CEP112: variants seen among roughly 807,000 people sequenced by gnomAD.
CEP112 encodes centrosomal protein of 112 kDa.
CEP112 carries 127 observed loss-of-function variants against 153.0 expected under a neutral mutation model. The observed-to-expected ratio is 0.83, with a 90% CI of 0.72 to 0.96. The LOEUF is 0.96. CEP112 is among the 40% of genes least tolerant of loss of function. The pLI, the probability that CEP112 is intolerant of heterozygous loss-of-function variation, is 0.00. For synonymous variants in CEP112, 358 were observed against 374.4 expected, an observed-to-expected ratio of 0.96 and a Z score of 0.51; for missense variants, 1,089 against 1,101.2, an observed-to-expected ratio of 0.99 and a Z score of 0.16.
intron 11 of CEP112, among the ~76,000 whole-genome samples, chr17:66,061,319 T>C (rs923575888): frequency 2.0e-5 from 3 of 152,114 alleles, no homozygotes; most frequent in African/African-American, 7.2e-5. Context: ...AGAACCCTTA[T>C]ATACTGCTAG....
At chr17:65,878,394 T>G (rs1354658057) in intron 20 of CEP112, among the ~76,000 whole-genome samples, 1 of 152,114 alleles carries the variant, frequency 6.6e-6, no homozygotes, top group Non-Finnish European at 1.5e-5. Flanking sequence ...ATATACACAT[T>G]TTTTAAAAGT....
intron 20 of CEP112, among the ~76,000 whole-genome samples, chr17:65,852,427 TTCCC>T (rs1464957029): frequency 0.36 from 9,562 of 26,920 alleles, 1,974 homozygotes; most frequent in Middle Eastern, 0.62. Flanking sequence ...CCTTCCTTCC[TTCCC>T]TCCCTTTCCT....
chr17:65,831,219 A>G (rs1282481788), intron 21 of CEP112, among the ~76,000 whole-genome samples: 1 of 152,244 alleles, frequency 6.6e-6, no homozygotes, highest in Admixed American at 6.5e-5. Context: ...AAGAGCTGAC[A>G]AACTGTGAAA....
chr17:66,038,119 A>AGAAAG (rs2065817903), intron 12 of CEP112, among the ~76,000 whole-genome samples: 1 of 150,908 alleles, frequency 6.6e-6, no homozygotes, highest in African/African-American at 2.4e-5. Context: ...AAAAAAGAAA[A>AGAAAG]GAAAAGAAAA....
chr17:65,765,979 C>A (rs1263242903), intron 21 of CEP112, among the ~76,000 whole-genome samples: 3 of 151,576 alleles, frequency 2.0e-5, no homozygotes, highest in Non-Finnish European at 2.9e-5. Flanking sequence ...CACCAAAGAA[C>A]ACAATAATTC....
At chr17:65,869,266 C>G (rs990896265) in intron 20 of CEP112, among the ~76,000 whole-genome samples, 2 of 152,286 alleles carry the variant, frequency 1.3e-5, no homozygotes, top group South Asian at 4.2e-4. Context: ...GTTCTGAGAG[C>G]CAATAAGGCA....
intron 20 of CEP112, among the ~76,000 whole-genome samples, chr17:65,891,936 T>C (rs1259376551): frequency 3.9e-5 from 6 of 152,208 alleles, no homozygotes; most frequent in African/African-American, 1.4e-4. Context: ...GCTAACACAA[T>C]TGTCACTGTA....
chr17:66,120,552 A>G (rs1220963023), intron 6 of CEP112, among the ~76,000 whole-genome samples: 1 of 152,142 alleles, frequency 6.6e-6, no homozygotes, highest in East Asian at 1.9e-4. Flanking sequence ...CTATAGGACT[A>G]TGCAGGTTAT....
At chr17:66,022,972 T>C (rs143350290) in intron 16 of CEP112, among the ~76,000 whole-genome samples, 29 of 151,964 alleles carry the variant, frequency 1.9e-4, no homozygotes, top group Non-Finnish European at 3.8e-4. Context: ...TTCTCAGAAA[T>C]TGAAGACAAG....
chr17:65,965,766 C>T (rs957388806), intron 17 of CEP112, among the ~76,000 whole-genome samples: 2 of 152,084 alleles, frequency 1.3e-5, no homozygotes, highest in Admixed American at 1.3e-4. Context: ...AAGCGATCCA[C>T]CCCGGTCTCC....
chr17:66,183,622 A>G (rs1752438720), intron 1 of CEP112, among the ~76,000 whole-genome samples: 1 of 152,206 alleles, frequency 6.6e-6, no homozygotes, highest in Non-Finnish European at 1.5e-5. Context: ...GGTATTGGTG[A>G]AAGGATAGAC....
chr17:65,813,765 CTTATTGT>C (rs2056115424), intron 21 of CEP112, among the ~76,000 whole-genome samples: 1 of 152,078 alleles, frequency 6.6e-6, no homozygotes, highest in Non-Finnish European at 1.5e-5. Flanking sequence ...CTGTATATTG[CTTATTGT>C]TTAATTTACA....
chr17:66,067,174 C>A, intron 9 of CEP112, among the ~76,000 whole-genome samples: 1 of 152,124 alleles, frequency 6.6e-6, no homozygotes, highest in Non-Finnish European at 1.5e-5. Context: ...TTTGCTCTTG[C>A]AGCAGCTAGG....
chr17:66,073,579 G>C (rs1299925953), intron 8 of CEP112, among the ~76,000 whole-genome samples: 1 of 152,214 alleles, frequency 6.6e-6, no homozygotes. Context: ...GCCAGGTGGA[G>C]ACAGCTTCCT....
chr17:65,798,032 TG>T (rs1424716976), intron 21 of CEP112, among the ~76,000 whole-genome samples: 2 of 152,198 alleles, frequency 1.3e-5, no homozygotes, highest in East Asian at 3.9e-4. Context: ...TGGAGATGAC[TG>T]GGTGGTATAT....
intron 16 of CEP112, among the ~76,000 whole-genome samples, chr17:66,012,190 C>T (rs1273712856): frequency 6.6e-6 from 1 of 152,150 alleles, no homozygotes; most frequent in Non-Finnish European, 1.5e-5. Flanking sequence ...CTTTATCCAA[C>T]TCTGTGCCTT....
In CEP112 at chr17:65,749,425, G is replaced by A. The variant is rs182394438; in HGVS notation, c.2457+1237C>T. 2.1e-3 allele frequency among the ~76,000 whole-genome samples: 326 copies of A among 152,052 alleles called. 2 individuals carry two copies. The highest frequency in any genetic ancestry group is 7.7e-3 in the African/African-American group (318 of 41,472). ...CGGGAGGCTGAGGCAGGAGAATGGC[G>A]TGAATCAGGGAGGTGGAGCTTGCAG... On this transcript the variant is annotated intron_variant, in intron 22 of 26. Coordinates refer to ENST00000535342, the MANE Select transcript of CEP112 (RefSeq NM_001199165.4).
At chr17:65,974,223 C>T (rs969357990) in intron 17 of CEP112, among the ~76,000 whole-genome samples, 1 of 151,086 alleles carries the variant, frequency 6.6e-6, no homozygotes. Flanking sequence ...ACTACAGGCA[C>T]ACACCACCAC....
At chr17:65,793,512 CAAAA>C (rs982087662) in intron 21 of CEP112, among the ~76,000 whole-genome samples, 3 of 152,162 alleles carry the variant, frequency 2.0e-5, no homozygotes, top group Non-Finnish European at 4.4e-5. Flanking sequence ...AAAAAATAAA[CAAAA>C]AATAAAAACT....
Sources: allele counts gnomAD v4.1 joint callset (sites outside exome capture counted in the v4.1 genomes callset), GRCh38; gene constraint gnomAD v4.1.1; transcripts MANE v1.5; gene names NCBI Gene and HGNC (gene_info 2026-07-23, HGNC 2026-07-21).